The following CACNA1C variants were observed in gnomAD, a reference collection of about 807,000 sequenced individuals.
The protein encoded by CACNA1C is calcium voltage-gated channel subunit alpha1 C.
A neutral mutation model predicts 229.0 loss-of-function variants in CACNA1C; 30 were observed. The ratio of observed to expected loss-of-function variants is 0.13; its 90% CI spans 0.10 to 0.18. The LOEUF is 0.18. Ranked by LOEUF, CACNA1C falls within the 10% of genes least tolerant of loss-of-function variation. CACNA1C has a pLI of 1.00. For synonymous variants in CACNA1C, 1,114 were observed against 1,132.5 expected (o/e 0.98, Z 0.33); for missense variants, 1,658 against 2,845.0 (o/e 0.58, Z 9.49).
chr12:2,681,675 C>A (rs1325422039), intron 42 of CACNA1C, among the ~76,000 whole-genome samples: 1 of 152,154 alleles, frequency 6.6e-6, no homozygotes, highest in Non-Finnish European at 1.5e-5. Flanking sequence ...CCTTCCACTG[C>A]GGGGCGGGTG....
rs1044245433 is a variant in CACNA1C, at chr12:2,319,399, C to T, written c.478-129577C>T. ...CCTGATGGGTGGCGTACATGGGCAG[C>T]GTACATGATGGCCAGTGTACACGAT... On this transcript the variant is annotated intron_variant, in intron 3 of 46. Coordinates refer to ENST00000399655, the MANE Select transcript of CACNA1C (RefSeq NM_000719.7). The surrounding 1 kb of genome is among the most constrained non-coding windows in gnomAD (Gnocchi z 4.0). 2.0e-5 allele frequency among the ~76,000 whole-genome samples: 3 copies of T among 152,054 alleles called. No individual in the cohort carries two copies. The highest frequency in any genetic ancestry group is 3.2e-3 in the Middle Eastern group (1 of 316).
At chr12:2,004,374 C>A (rs769127917) in intron 1 of CACNA1C, 2 of 1,612,912 alleles carry the variant, frequency 1.2e-6, no homozygotes, top group Non-Finnish European at 1.7e-6. Context: ...CGCTGCAGGG[C>A]CGCTAGGCTG....
chr12:2,124,278 G>A (rs1015936850), intron 3 of CACNA1C, among the ~76,000 whole-genome samples: 4 of 152,152 alleles, frequency 2.6e-5, no homozygotes, highest in African/African-American at 9.7e-5. Context: ...TGGAAGAACT[G>A]ATTCATTTTG....
At chr12:2,166,840 G>C (rs140690544) in intron 3 of CACNA1C, among the ~76,000 whole-genome samples, 1 of 152,326 alleles carries the variant, frequency 6.6e-6, no homozygotes, top group Non-Finnish European at 1.5e-5. Flanking sequence ...GGATCAGGGA[G>C]AAGACTAGGC....
At chr12:2,565,236 A>G (rs1475797700) in intron 11 of CACNA1C, among the ~76,000 whole-genome samples, 2 of 151,906 alleles carry the variant, frequency 1.3e-5, no homozygotes, top group Non-Finnish European at 1.5e-5. Flanking sequence ...TGGGAGGCCG[A>G]GGCGGGTGGA....
chr12:2,351,518 G>A (rs2154526883), intron 3 of CACNA1C, among the ~76,000 whole-genome samples: 1 of 152,316 alleles, frequency 6.6e-6, no homozygotes, highest in East Asian at 1.9e-4. Context: ...GGTGGCATAG[G>A]GCCTGCCCCA....
At chr12:2,343,081 T>C (rs573192333) in intron 3 of CACNA1C, among the ~76,000 whole-genome samples, 1 of 152,332 alleles carries the variant, frequency 6.6e-6, no homozygotes, top group Non-Finnish European at 1.5e-5. Flanking sequence ...CAAAGATACA[T>C]GGCTAGAAGG....
chr12:2,212,486 TC>T (rs574668250), intron 3 of CACNA1C, among the ~76,000 whole-genome samples: 122 of 152,352 alleles, frequency 8.0e-4, no homozygotes, highest in African/African-American at 2.8e-3. Flanking sequence ...TTTCAACTAA[TC>T]TGATCTGCTT....
chr12:2,316,980 C>T (rs1012038487), intron 3 of CACNA1C, among the ~76,000 whole-genome samples: 2 of 152,162 alleles, frequency 1.3e-5, no homozygotes, highest in African/African-American at 4.8e-5. Context: ...CTAGGATTTT[C>T]TTATTAAACA....
intron 5 of CACNA1C, among the ~76,000 whole-genome samples, chr12:2,461,040 A>G (rs1247540642): frequency 1.3e-5 from 2 of 152,172 alleles, no homozygotes; most frequent in African/African-American, 4.8e-5. Flanking sequence ...TCATAGCCAT[A>G]GGTTATCTCT....
chr12:2,547,885 T>G (rs2099884688), intron 9 of CACNA1C, among the ~76,000 whole-genome samples: 1 of 152,146 alleles, frequency 6.6e-6, no homozygotes, highest in South Asian at 2.1e-4. Flanking sequence ...TTATTTCCAG[T>G]GCCCAGGCCT....
intron 3 of CACNA1C, among the ~76,000 whole-genome samples, chr12:2,372,708 A>T (rs989150713): frequency 6.6e-6 from 1 of 152,194 alleles, no homozygotes; most frequent in Non-Finnish European, 1.5e-5. Context: ...TTGAGGGTCA[A>T]TCCCTATCGC....
At chr12:2,565,239 CG>C (rs1418959461) in intron 11 of CACNA1C, among the ~76,000 whole-genome samples, 2 of 151,740 alleles carry the variant, frequency 1.3e-5, no homozygotes, top group Non-Finnish European at 2.9e-5. Context: ...GAGGCCGAGG[CG>C]GGTGGATCAT....
In CACNA1C at chr12:2,651,765, C is replaced by T; in HGVS notation, c.4071C>T (p.Phe1357=). 6.2e-7 allele frequency: 1 copy of T among 1,603,324 alleles called. No individual in the cohort carries two copies. Among genetic ancestry groups the T allele is most frequent in the Non-Finnish European group, 8.5e-7 (1 of 1,173,462 alleles). Residue 1357 remains phenylalanine (F), a synonymous_variant, in exon 32 of 47, where the codon TTC becomes TTT. Transcript: ENST00000399655. This position sits in a 1 kb window ranked among gnomAD's most constrained non-coding sequence, Gnocchi z 5.4. The part of the protein sequence containing the change: ...RTLLWTFIKS[F]QALPYVALLI... The stretch of plus-strand genomic sequence containing the variant: ...TGCTGTGGACCTTCATCAAGTCCTT[C>T]CAGGTAGCCGCCCCTCATGTCCTGC...
chr12:2,218,206 TGA>T (rs2060482011), intron 3 of CACNA1C, among the ~76,000 whole-genome samples: 1 of 151,660 alleles, frequency 6.6e-6, no homozygotes, highest in Non-Finnish European at 1.5e-5. Context: ...TCTCACTCCC[TGA>T]GATGCAGGGC....
intron 7 of CACNA1C, among the ~76,000 whole-genome samples, chr12:2,495,847 C>G (rs1258623659): frequency 6.6e-6 from 1 of 152,212 alleles, no homozygotes; most frequent in Admixed American, 6.5e-5. Context: ...TGCACATACA[C>G]ACACCTAAAA....
intron 3 of CACNA1C, among the ~76,000 whole-genome samples, chr12:2,294,806 C>T (rs2093874408): frequency 6.6e-6 from 1 of 152,188 alleles, no homozygotes; most frequent in African/African-American, 2.4e-5. Context: ...GTAGTCAAGG[C>T]AGCTTTCACC....
chr12:2,449,038 C>T lies in CACNA1C; in HGVS notation c.540C>T (p.Ala180=). 6.2e-7 allele frequency: 1 copy of T among 1,601,202 alleles called. No individual in the cohort carries two copies. Among genetic ancestry groups the T allele is most frequent in the Non-Finnish European group, 8.5e-7 (1 of 1,171,574 alleles). Residue 180 remains alanine, a synonymous_variant, in exon 4 of 47, where the codon GCC becomes GCT. Coordinates refer to ENST00000399655, the MANE Select transcript of CACNA1C (RefSeq NM_000719.7). ...TGGAAGCGTTTTTAAAAGTAATCGC[C>T]TATGGACTCCTCTTTCACCCCAATG... is the stretch of plus-strand genomic sequence containing the variant. ...FTVEAFLKVI[A]YGLLFHPNAY...
At chr12:2,556,870 A>T (rs1599949733) in intron 10 of CACNA1C, 81 bp from the exon 11 acceptor site, 1 of 1,207,552 alleles carries the variant, frequency 8.3e-7, no homozygotes, top group East Asian at 2.3e-5. Context: ...GGGGAACATC[A>T]AATTTCCCTG....
Sources: gnomAD v4.1 joint callset for allele counts (sites outside exome capture counted in the v4.1 genomes callset) on GRCh38, gnomAD v4.1.1 for gene constraint, Gnocchi (gnomAD v3.1) non-coding constraint, MANE v1.5 for transcripts, NCBI Gene and HGNC (gene_info 2026-07-23, HGNC 2026-07-21) for gene names.